AKAP9: variants seen among roughly 807,000 people sequenced by gnomAD.
The protein encoded by AKAP9 is A-kinase anchor protein 9.
Under a neutral mutation model 488.5 loss-of-function variants are expected in AKAP9, and 311 were observed. That is an observed-to-expected ratio of 0.64 (90% CI 0.58 to 0.70). The LOEUF (loss-of-function observed/expected upper bound fraction) is 0.70, where lower values mean the gene tolerates loss of function less well. AKAP9 is among the 30% of genes least tolerant of loss of function. AKAP9 has a pLI of 0.00. For synonymous variants in AKAP9, 1,462 were observed against 1,483.5 expected (o/e 0.99, Z 0.33); for missense variants, 4,215 against 4,374.5 (o/e 0.96, Z 1.03).
At chr7:92,071,252 C>A (rs572826443) in intron 28 of AKAP9, among the ~76,000 whole-genome samples, 1 of 151,964 alleles carries the variant, frequency 6.6e-6, no homozygotes, top group Non-Finnish European at 1.5e-5. Context: ...GGACGAAGTT[C>A]GGAGGAACAG....
chr7:91,943,082 C>T (rs1048741650), intron 1 of AKAP9, among the ~76,000 whole-genome samples: 1 of 151,578 alleles, frequency 6.6e-6, no homozygotes, highest in African/African-American at 2.4e-5. Context: ...GTATGTAGTC[C>T]TAGCTACTCA....
intron 40 of AKAP9, among the ~76,000 whole-genome samples, chr7:92,096,334 GTTTT>G (rs769758632): frequency 1.6e-5 from 2 of 123,970 alleles, no homozygotes. Context: ...AGTTTTTTTT[GTTTT>G]TTTTTTTTTT....
chr7:91,954,014 G>A (rs561800132), intron 1 of AKAP9, among the ~76,000 whole-genome samples: 16 of 152,182 alleles, frequency 1.1e-4, no homozygotes, highest in African/African-American at 3.6e-4. Flanking sequence ...AACAAAACTC[G>A]TTAAGCGAAG....
Position 92,062,455 on chromosome 7 carries a change from T to A in AKAP9, c.5946T>A (p.Ala1982=), listed in dbSNP as rs1340327947. ...AATTACTGTCCAGACAAAAGGAAGCTATGAAAGCAGAGGCAGGCCCAGTTG... is the reference window on the plus strand; with the variant it reads ...AATTACTGTCCAGACAAAAGGAAGCAATGAAAGCAGAGGCAGGCCCAGTTG... The part of the protein sequence containing the change: ...ERELLSRQKE[A]MKAEAGPVEQ... The change falls in exon 24 of 50, where the codon GCT becomes GCA. Residue 1982 remains alanine, a synonymous_variant. Transcript: ENST00000356239. 6.2e-7 allele frequency: 1 copy of A among 1,613,586 alleles called. No homozygotes were observed. The highest frequency in any genetic ancestry group is 1.1e-5 in the South Asian group (1 of 91,074).
At chr7:92,071,061 A>G (rs1288381131) in intron 28 of AKAP9, 52 bp downstream of exon 28, 21 of 1,443,114 alleles carry the variant, frequency 1.5e-5, no homozygotes, top group Non-Finnish European at 2.0e-5. Flanking sequence ...ATTTTAAATC[A>G]GTTACCTTGA....
chr7:91,982,923 A>G (rs566682281), intron 3 of AKAP9, among the ~76,000 whole-genome samples: 9 of 152,006 alleles, frequency 5.9e-5, no homozygotes, highest in African/African-American at 2.2e-4. Flanking sequence ...TTTGATTTGC[A>G]TTTCTCTGAT....
chr7:92,025,783 A>G (rs1171570058), intron 14 of AKAP9, among the ~76,000 whole-genome samples: 1 of 152,224 alleles, frequency 6.6e-6, no homozygotes, highest in Non-Finnish European at 1.5e-5. Context: ...ATTAAATGAA[A>G]CAGTAACTGA....
chr7:92,074,872 G>T (rs1427993182), intron 28 of AKAP9, among the ~76,000 whole-genome samples: 1 of 152,062 alleles, frequency 6.6e-6, no homozygotes, highest in Non-Finnish European at 1.5e-5. Flanking sequence ...GGGGGTGAGG[G>T]GTACAGGAGG....
chr7:92,051,608 G>A (rs1368432514), intron 21 of AKAP9, among the ~76,000 whole-genome samples: 1 of 152,152 alleles, frequency 6.6e-6, no homozygotes, highest in Non-Finnish European at 1.5e-5. Flanking sequence ...CTGAATTCAG[G>A]TCTTGCGTCT....
At chr7:92,072,076 A>C (rs1244278011) in intron 28 of AKAP9, among the ~76,000 whole-genome samples, 17 of 152,174 alleles carry the variant, frequency 1.1e-4, no homozygotes, top group Admixed American at 1.1e-3. Context: ...AAAGTAATTT[A>C]TATGTTGCCT....
intron 4 of AKAP9, 131 bp downstream of exon 4, chr7:91,992,342 A>C (rs1263450854): frequency 2.6e-6 from 2 of 782,624 alleles, no homozygotes; most frequent in East Asian, 5.0e-5. Context: ...ATGTTTACTA[A>C]AACAAAGTTA....
intron 21 of AKAP9, among the ~76,000 whole-genome samples, chr7:92,046,591 C>T (rs1023268366): frequency 6.6e-6 from 1 of 152,136 alleles, no homozygotes; most frequent in African/African-American, 2.4e-5. Flanking sequence ...TGAAATAATA[C>T]TGAATTTTAA....
intron 1 of AKAP9, among the ~76,000 whole-genome samples, chr7:91,945,466 C>T (rs1348990445): frequency 6.6e-6 from 1 of 152,180 alleles, no homozygotes; most frequent in Non-Finnish European, 1.5e-5. Flanking sequence ...GAGGTTGTGC[C>T]ACTGTACTCC....
In AKAP9 at chr7:92,005,132, G is replaced by A. The variant is rs376937998; in HGVS notation, c.3318+1897G>A. 2.6e-4 allele frequency among the ~76,000 whole-genome samples: 40 copies of A among 152,280 alleles called. 1 individual carries two copies. The highest frequency in any genetic ancestry group is 2.0e-3 in the Admixed American group (30 of 15,296). On this transcript the variant is annotated intron_variant, in intron 8 of 49. Coordinates refer to ENST00000356239, the MANE Select transcript of AKAP9 (RefSeq NM_005751.5). ...TGCTGGATTACACTTACTGATTTGC[G>A]TATGTTGAACCAGCCTTGCATCCCA...
chr7:92,071,453 G>T (rs1424035362), intron 28 of AKAP9, among the ~76,000 whole-genome samples: 1 of 149,538 alleles, frequency 6.7e-6, no homozygotes, highest in Non-Finnish European at 1.5e-5. Flanking sequence ...TACAGAATAT[G>T]TTCTTAAAAC....
intron 31 of AKAP9, among the ~76,000 whole-genome samples, chr7:92,081,395 C>T (rs948505634): frequency 2.3e-4 from 34 of 150,756 alleles, no homozygotes; most frequent in African/African-American, 7.5e-4. Context: ...CCTCCACCTC[C>T]TGGGTTTCCA....
chr7:91,990,809 C>T (rs1797657122), intron 3 of AKAP9, among the ~76,000 whole-genome samples: 1 of 152,140 alleles, frequency 6.6e-6, no homozygotes, highest in African/African-American at 2.4e-5. Context: ...GCAGTAGTCC[C>T]CCATCCCTGT....
chr7:92,041,177 G>A (rs932352416), intron 18 of AKAP9: 1 of 383,748 alleles, frequency 2.6e-6, no homozygotes, highest in Admixed American at 4.2e-5. Context: ...CTGGAAAAGT[G>A]GCTACACGGT....
chr7:92,029,702 T>C (rs1803906997), intron 14 of AKAP9, among the ~76,000 whole-genome samples, 193 bp from the exon 15 acceptor site: 10 of 152,206 alleles, frequency 6.6e-5, no homozygotes, highest in Admixed American at 6.5e-4. Context: ...CCTGGTAAAA[T>C]ACTGTTATTC....
Sources: allele counts gnomAD v4.1 joint callset (sites outside exome capture counted in the v4.1 genomes callset), GRCh38; gene constraint gnomAD v4.1.1; transcripts MANE v1.5; gene names NCBI Gene and HGNC (gene_info 2026-07-23, HGNC 2026-07-21).